TNFRSF8: variants seen among roughly 807,000 people sequenced by gnomAD.
TNFRSF8 encodes TNF receptor superfamily member 8.
Under a neutral mutation model 70.8 loss-of-function variants are expected in TNFRSF8, and 26 were observed. That is an observed-to-expected ratio of 0.37 (90% CI 0.27 to 0.51). The LOEUF (loss-of-function observed/expected upper bound fraction) is 0.51, where lower values mean the gene tolerates loss of function less well. Among genes scored for constraint, TNFRSF8 ranks in the 20% least tolerant of loss-of-function variants. The pLI is 0.94. For missense variants in TNFRSF8, 720 were observed against 807.9 expected (o/e 0.89, Z 1.32); for synonymous variants, 356 against 339.2 (o/e 1.05, Z -0.54).
chr1:12,071,248 G>T (rs536815519), intron 1 of TNFRSF8, among the ~76,000 whole-genome samples: 1 of 152,258 alleles, frequency 6.6e-6, no homozygotes, highest in Non-Finnish European at 1.5e-5. Context: ...AGACCAGCCT[G>T]GCCAACATGG....
intron 2 of TNFRSF8, 133 bp from the exon 3 acceptor site, chr1:12,096,968 G>T (rs1237301887): frequency 6.0e-6 from 4 of 665,922 alleles, no homozygotes; most frequent in Middle Eastern, 8.9e-4. Context: ...CATAACACAA[G>T]AATTGGACTG....
intron 1 of TNFRSF8, among the ~76,000 whole-genome samples, chr1:12,077,041 C>G (rs1005494941): frequency 6.6e-6 from 1 of 152,118 alleles, no homozygotes; most frequent in Non-Finnish European, 1.5e-5. Context: ...CTCAGCCTCC[C>G]GAGTCGCTGG....
Position 12,138,403 on chromosome 1 carries a change from C to T in TNFRSF8, c.1510C>T (p.Arg504Trp), listed in dbSNP as rs750354476. The change falls in exon 14 of 15, where the codon CGG (arginine) becomes TGG (tryptophan). Residue 504 changes from arginine (R) to tryptophan (W), a missense_variant. Coordinates refer to ENST00000263932, the MANE Select transcript of TNFRSF8 (RefSeq NM_001243.5). This position sits in a 1 kb window ranked among gnomAD's most constrained non-coding sequence, Gnocchi z 5.7. ...GTCCCCCAGGGACCTTCCTGAGCCC[C>T]GGGTGTCCACGGAGCACACCAATAA... ...PSSPRDLPEP[R>W]VSTEHTNNKI... The T allele has an allele frequency of 3.1e-5, 50 of 1,613,458 alleles. No homozygotes were observed. Among genetic ancestry groups the T allele is most frequent in the East Asian group, 6.7e-5 (3 of 44,862 alleles).
Position 12,119,430 on chromosome 1 carries a change from T to G in TNFRSF8, c.946+3701T>G, listed in dbSNP as rs1641790487. 6.6e-6 allele frequency among the ~76,000 whole-genome samples: 1 copy of G among 152,112 alleles called. No homozygotes were observed. The highest frequency in any genetic ancestry group is 1.5e-5 in the Non-Finnish European group (1 of 68,020). On this transcript the variant is annotated intron_variant, in intron 8 of 14. Transcript: ENST00000263932. This position sits in a 1 kb window ranked among gnomAD's most constrained non-coding sequence, Gnocchi z 4.4. ...AGGACCTACCAAGAGCAAAGCAGGA[T>G]TAATGGAAATTACCCACGCTACATG... is the stretch of plus-strand genomic sequence containing the variant.
chr1:12,079,272 T>C (rs1641021056), intron 1 of TNFRSF8, among the ~76,000 whole-genome samples: 2 of 152,204 alleles, frequency 1.3e-5, no homozygotes, highest in Admixed American at 6.5e-5. Context: ...CTCTTTATCT[T>C]GATGCCACTA....
chr1:12,113,685 CAGAAAGAG>C lies in TNFRSF8; in HGVS notation c.793+1675_793+1682del, dbSNP rs1442120703. Among the ~76,000 whole-genome samples the C allele has an allele frequency of 6.7e-6, 1 of 148,688 alleles. No homozygotes were observed. The highest frequency in any genetic ancestry group is 1.5e-5 in the Non-Finnish European group (1 of 67,428). Reference sequence around the variant, plus strand: ...AGCGAGAGAGAGAGAGACAGAAAGACAGAAAGAGAGACTGAGAGACAGAGAGAGACAGA... The same window carrying C: ...AGCGAGAGAGAGAGAGACAGAAAGACAGACTGAGAGACAGAGAGAGACAGA... On this transcript the variant is annotated intron_variant, in intron 7 of 14. Coordinates refer to ENST00000263932, the MANE Select transcript of TNFRSF8 (RefSeq NM_001243.5). The surrounding 1 kb of genome is among the most constrained non-coding windows in gnomAD (Gnocchi z 4.9).
At chr1:12,067,621 G>A (rs572428644) in intron 1 of TNFRSF8, among the ~76,000 whole-genome samples, 2 of 152,034 alleles carry the variant, frequency 1.3e-5, no homozygotes, top group Admixed American at 6.6e-5. Flanking sequence ...ACCAGAAGGC[G>A]GAGGTTGCAG....
At chr1:12,125,676 A>G (rs989888892) in intron 10 of TNFRSF8, among the ~76,000 whole-genome samples, 4 of 152,182 alleles carry the variant, frequency 2.6e-5, no homozygotes, top group Non-Finnish European at 5.9e-5. Context: ...ATTTTGGTCT[A>G]TTGGACCTCA....
rs751716376 is a variant in TNFRSF8 at position 12,125,934 on chromosome 1, GC to G, written c.1154-16del. ...GTTGCAGCAAGGCAAAGAGTGTGGG[GC>G]GTCTCTGTGTTCCAGGGCCAGTGCT... On this transcript the variant is annotated splice_polypyrimidine_tract_variant and intron_variant, in intron 10 of 14. Transcript: ENST00000263932. The G allele has an allele frequency of 1.2e-6, 2 of 1,607,618 alleles. No homozygotes were observed. The highest frequency in any genetic ancestry group is 1.7e-6 in the Non-Finnish European group (2 of 1,174,166).
rs150257165 is a variant in TNFRSF8, at chr1:12,105,084, C to T, written c.421+553C>T. On this transcript the variant is annotated intron_variant, in intron 4 of 14. Transcript: ENST00000263932. ...CAGAGAAGGGGTATGGGCCACAGAA[C>T]CTGTCTGGGTGGAGTTGGGACCATC... 1.8e-3 allele frequency among the ~76,000 whole-genome samples: 280 copies of T among 152,248 alleles called. 5 individuals are homozygous for T. Among genetic ancestry groups the T allele is most frequent in the African/African-American group, 6.6e-3 (276 of 41,534 alleles).
Position 12,138,224 on chromosome 1 carries a change from C to T in TNFRSF8, c.1336-5C>T, listed in dbSNP as rs371146109. 1.2e-6 allele frequency: 2 copies of T among 1,613,036 alleles called. No homozygotes were observed. The highest frequency in any genetic ancestry group is 1.7e-6 in the Non-Finnish European group (2 of 1,179,516). ...CCTGCAGCAGCACCCATTCCCGTCC[C>T]ACAGCAGCTGAGGAGTGGTGCGTCG... is the stretch of plus-strand genomic sequence containing the variant. On this transcript the variant is annotated splice_region_variant and splice_polypyrimidine_tract_variant and intron_variant, in intron 13 of 14. Transcript: ENST00000263932. This position sits in a 1 kb window ranked among gnomAD's most constrained non-coding sequence, Gnocchi z 5.7.
chr1:12,106,150 T>C (rs1641520399), intron 4 of TNFRSF8, among the ~76,000 whole-genome samples: 1 of 152,100 alleles, frequency 6.6e-6, no homozygotes, highest in Non-Finnish European at 1.5e-5. Context: ...AGTCTCAGGA[T>C]GTGATCCCAA....
At chr1:12,080,458 C>A in intron 1 of TNFRSF8, 1 of 525,416 alleles carries the variant, frequency 1.9e-6, no homozygotes, top group South Asian at 1.4e-5. Flanking sequence ...CTATCTTCTT[C>A]ATGGCAGACT....
At position 12,123,348 on chromosome 1, in the gene TNFRSF8, C is replaced by A. The variant is rs1420722209; in HGVS notation, c.1011C>A (p.Pro337=). 3.1e-6 allele frequency: 5 copies of A among 1,613,212 alleles called. No homozygotes were observed. Among genetic ancestry groups the A allele is most frequent in the Non-Finnish European group, 4.2e-6 (5 of 1,179,736 alleles). Residue 337 remains proline, a synonymous_variant, in exon 9 of 15, where the codon CCC becomes CCA. Coordinates refer to ENST00000263932, the MANE Select transcript of TNFRSF8 (RefSeq NM_001243.5). The stretch of plus-strand genomic sequence containing the variant: ...TGGGGACCCAGCCGGACTGCAACCC[C>A]ACCCCAGAGAATGGCGAGGCGCCTG... ...PPLGTQPDCN[P]TPENGEAPAS...
intron 7 of TNFRSF8, among the ~76,000 whole-genome samples, 166 bp from the exon 8 acceptor site, chr1:12,115,411 A>G (rs1327917957): frequency 6.6e-6 from 1 of 152,168 alleles, no homozygotes; most frequent in African/African-American, 2.4e-5. Flanking sequence ...CTGCAGAATT[A>G]TTTTGAGCAT....
chr1:12,075,253 T>G (rs1158103671), intron 1 of TNFRSF8, among the ~76,000 whole-genome samples: 1 of 147,490 alleles, frequency 6.8e-6, no homozygotes, highest in Non-Finnish European at 1.5e-5. Flanking sequence ...AAAAAAAAAT[T>G]TTTTTTTTTT....
At chr1:12,076,557 C>T (rs150573183) in intron 1 of TNFRSF8, among the ~76,000 whole-genome samples, 11 of 152,254 alleles carry the variant, frequency 7.2e-5, no homozygotes, top group African/African-American at 2.6e-4. Context: ...TATGCTGTTT[C>T]CGTGTCCACT....
intron 2 of TNFRSF8, among the ~76,000 whole-genome samples, chr1:12,085,291 G>A (rs1641135487): frequency 6.6e-6 from 1 of 151,948 alleles, no homozygotes; most frequent in Non-Finnish European, 1.5e-5. Context: ...TGTATTTTTA[G>A]TAGAGACAGG....
intron 10 of TNFRSF8, 24 bp from the exon 11 acceptor site, chr1:12,125,927 G>C: frequency 6.2e-7 from 1 of 1,600,532 alleles, no homozygotes; most frequent in Non-Finnish European, 8.6e-7. Flanking sequence ...AAGGCAAAGA[G>C]TGTGGGGCGT....
Sources: gnomAD v4.1 joint callset for allele counts (sites outside exome capture counted in the v4.1 genomes callset) on GRCh38, gnomAD v4.1.1 for gene constraint, Gnocchi (gnomAD v3.1) non-coding constraint, MANE v1.5 for transcripts, NCBI Gene and HGNC (gene_info 2026-07-23, HGNC 2026-07-21) for gene names.